Variants in OPCML observed in about 807,000 individuals in gnomAD.
The protein encoded by OPCML is opioid binding protein/cell adhesion molecule like, also known as opioid-binding protein/cell adhesion molecule.
Under a neutral mutation model 37.8 loss-of-function variants are expected in OPCML, and 13 were observed. The observed-to-expected ratio is 0.34, with a 90% CI of 0.22 to 0.55. The LOEUF is 0.55. Ranked by LOEUF, OPCML falls within the 20% of genes least tolerant of loss-of-function variation. The pLI is 0.91. For synonymous variants in OPCML, 176 were observed against 168.8 expected, an observed-to-expected ratio of 1.04 and a Z score of -0.33; for missense variants, 341 against 435.6, an observed-to-expected ratio of 0.78 and a Z score of 1.93.
chr11:132,544,984 T>G (rs1260681457), intron 3 of OPCML, among the ~76,000 whole-genome samples: 3 of 152,246 alleles, frequency 2.0e-5, no homozygotes, highest in African/African-American at 4.8e-5. Flanking sequence ...CATGGCATAC[T>G]CATCATACAT....
At chr11:133,272,336 T>A (rs1313955579) in intron 1 of OPCML, among the ~76,000 whole-genome samples, 1 of 151,788 alleles carries the variant, frequency 6.6e-6, no homozygotes, top group Non-Finnish European at 1.5e-5. Flanking sequence ...CAGAATATCA[T>A]GCAAATTGCA....
chr11:132,848,781 A>G (rs1484294292), intron 2 of OPCML, among the ~76,000 whole-genome samples: 1 of 152,198 alleles, frequency 6.6e-6, no homozygotes. Context: ...TGTTGATCTG[A>G]GCAAATCACT....
At chr11:133,532,218 G>A (rs746660266) in intron 1 of OPCML, 46 bp downstream of exon 1, 3 of 1,602,264 alleles carry the variant, frequency 1.9e-6, no homozygotes, top group South Asian at 1.1e-5. Flanking sequence ...CTCTCACGTC[G>A]TACAATCACC....
At chr11:132,556,874 G>A (rs150310678) in intron 3 of OPCML, among the ~76,000 whole-genome samples, 11 of 152,262 alleles carry the variant, frequency 7.2e-5, no homozygotes, top group East Asian at 5.8e-4. Flanking sequence ...CTCCTAGGCG[G>A]ATATTAAACT....
intron 1 of OPCML, among the ~76,000 whole-genome samples, chr11:133,158,569 G>A (rs1367105868): frequency 1.3e-5 from 2 of 151,572 alleles, no homozygotes; most frequent in East Asian, 1.9e-4. Flanking sequence ...GCATGGTGGC[G>A]GGCGCCTGTA....
chr11:132,757,510 G>T (rs1343736854), intron 2 of OPCML, among the ~76,000 whole-genome samples: 1 of 152,160 alleles, frequency 6.6e-6, no homozygotes. Flanking sequence ...GTGTGAGATG[G>T]TATCTCATTG....
chr11:132,624,473 C>T (rs904902640), intron 3 of OPCML, among the ~76,000 whole-genome samples: 8 of 152,210 alleles, frequency 5.3e-5, no homozygotes, highest in Non-Finnish European at 1.2e-4. Flanking sequence ...ACCTCATACT[C>T]TCTGTATGCC....
Position 132,479,851 on chromosome 11 carries a change from C to T in OPCML, c.506-42492G>A, listed in dbSNP as rs188843733. Among the ~76,000 whole-genome samples the T allele has an allele frequency of 0.012, 1,760 of 152,176 alleles. 145 individuals carry two copies. The East Asian group carries it at 0.19, about 16-fold the overall frequency. ...AAAACTAACAAACAGAAAGGACATC[C>T]GCACAAAAAACCCATCTGTACATCA... is the stretch of plus-strand genomic sequence containing the variant. On this transcript the variant is annotated intron_variant, in intron 4 of 7. Coordinates refer to ENST00000524381, the MANE Select transcript of OPCML (RefSeq NM_001012393.5).
chr11:132,514,480 G>T (rs1204020883), intron 4 of OPCML, among the ~76,000 whole-genome samples: 3 of 152,160 alleles, frequency 2.0e-5, no homozygotes, highest in Admixed American at 2.0e-4. Flanking sequence ...GTACAGTCAA[G>T]CCCTATGCTT....
At chr11:133,087,248 T>G (rs1948831036) in intron 1 of OPCML, among the ~76,000 whole-genome samples, 1 of 152,310 alleles carries the variant, frequency 6.6e-6, no homozygotes, top group Non-Finnish European at 1.5e-5. Context: ...TAAATAGCAG[T>G]TTTGAAGAAG....
At chr11:133,032,942 G>A (rs1166095571) in intron 1 of OPCML, among the ~76,000 whole-genome samples, 2 of 152,166 alleles carry the variant, frequency 1.3e-5, no homozygotes, top group Non-Finnish European at 1.5e-5. Flanking sequence ...GCACTGCAAT[G>A]AGGATAGTGA....
intron 1 of OPCML, among the ~76,000 whole-genome samples, chr11:133,499,882 T>A (rs1255704263): frequency 2.8e-5 from 4 of 144,140 alleles, no homozygotes; most frequent in African/African-American, 1.0e-4. Flanking sequence ...ATATTTTTTT[T>A]TTTTTTTGAA....
chr11:133,390,196 C>T (rs1945137573), intron 1 of OPCML, among the ~76,000 whole-genome samples: 1 of 152,194 alleles, frequency 6.6e-6, no homozygotes, highest in Admixed American at 6.5e-5. Context: ...CGGTGGCTCA[C>T]GCCTGTAATC....
chr11:132,845,197 C>G (rs991888126), intron 2 of OPCML, among the ~76,000 whole-genome samples: 3 of 151,588 alleles, frequency 2.0e-5, no homozygotes, highest in African/African-American at 7.3e-5. Flanking sequence ...TCATCAGTGC[C>G]TCATACCCAG....
chr11:132,636,849 T>C (rs1169811749), intron 3 of OPCML, among the ~76,000 whole-genome samples: 1 of 152,188 alleles, frequency 6.6e-6, no homozygotes, highest in Admixed American at 6.5e-5. Context: ...GCTTCATAAA[T>C]ATTTTTCCCT....
chr11:133,038,556 G>T (rs1355228101), intron 1 of OPCML, among the ~76,000 whole-genome samples: 1 of 151,998 alleles, frequency 6.6e-6, no homozygotes, highest in African/African-American at 2.4e-5. Flanking sequence ...ATAATGCCAG[G>T]CTCTAGCCCA....
At chr11:133,199,520 A>G (rs901281284) in intron 1 of OPCML, among the ~76,000 whole-genome samples, 1 of 152,184 alleles carries the variant, frequency 6.6e-6, no homozygotes, top group Non-Finnish European at 1.5e-5. Flanking sequence ...GATGAGCTAA[A>G]CAAGTCAACC....
At chr11:132,458,318 C>T (rs1021134976) in intron 4 of OPCML, among the ~76,000 whole-genome samples, 3 of 152,230 alleles carry the variant, frequency 2.0e-5, no homozygotes, top group Non-Finnish European at 4.4e-5. Context: ...ATTCTACCCA[C>T]TTCCTCTGGC....
chr11:132,808,645 C>T (rs1939156691), intron 2 of OPCML, among the ~76,000 whole-genome samples: 1 of 152,124 alleles, frequency 6.6e-6, no homozygotes, highest in African/African-American at 2.4e-5. Context: ...GTATGACTGT[C>T]GTCTTTCCTT....
Sources: gnomAD v4.1 joint callset for allele counts (sites outside exome capture counted in the v4.1 genomes callset) on GRCh38, gnomAD v4.1.1 for gene constraint, MANE v1.5 for transcripts, NCBI Gene and HGNC (gene_info 2026-07-23, HGNC 2026-07-21) for gene names.